The following DACH1 variants were observed in gnomAD, a reference collection of about 807,000 sequenced individuals.
DACH1 encodes the protein dachshund homolog 1.
A neutral mutation model predicts 54.2 loss-of-function variants in DACH1; 12 were observed. That is an observed-to-expected ratio of 0.22 (90% CI 0.14 to 0.36). DACH1 has a LOEUF of 0.36. DACH1 is among the 10% of genes least tolerant of loss of function. DACH1 has a pLI of 1.00. For synonymous variants in DACH1, 386 were observed against 366.2 expected (o/e 1.05, Z -0.62); for missense variants, 805 against 929.8 (o/e 0.87, Z 1.75).
intron 1 of DACH1, among the ~76,000 whole-genome samples, chr13:71,706,892 C>T (rs755728314): frequency 2.6e-5 from 4 of 152,060 alleles, no homozygotes; most frequent in Non-Finnish European, 5.9e-5. Flanking sequence ...AGTTTACTGT[C>T]GCTATTTAAA....
chr13:71,759,295 T>C (rs187812401), intron 1 of DACH1, among the ~76,000 whole-genome samples: 3 of 152,256 alleles, frequency 2.0e-5, no homozygotes, highest in Admixed American at 2.0e-4. Context: ...TTTTTCTTCA[T>C]GGAAAGACAG....
chr13:71,828,938 C>A (rs1371442604), intron 1 of DACH1, among the ~76,000 whole-genome samples: 2 of 151,970 alleles, frequency 1.3e-5, no homozygotes, highest in Non-Finnish European at 2.9e-5. Flanking sequence ...CCTCCTCACT[C>A]CCCTCCCACA....
At chr13:71,575,253 T>A (rs540908749) in intron 3 of DACH1, among the ~76,000 whole-genome samples, 1 of 152,132 alleles carries the variant, frequency 6.6e-6, no homozygotes, top group South Asian at 2.1e-4. Flanking sequence ...AAATAATAAG[T>A]AATTTTCTCT....
chr13:71,831,748 A>G (rs1345166509), intron 1 of DACH1, among the ~76,000 whole-genome samples: 2 of 152,002 alleles, frequency 1.3e-5, no homozygotes, highest in Admixed American at 1.3e-4. Context: ...AGGTAATCCA[A>G]TCCTAACATG....
chr13:71,496,944 T>C (rs1307875766), intron 6 of DACH1, among the ~76,000 whole-genome samples: 1 of 152,156 alleles, frequency 6.6e-6, no homozygotes, highest in Non-Finnish European at 1.5e-5. Context: ...GAAATTTTTA[T>C]AAAATTGACA....
At chr13:71,797,844 C>A (rs1329475328) in intron 1 of DACH1, among the ~76,000 whole-genome samples, 1 of 152,108 alleles carries the variant, frequency 6.6e-6, no homozygotes, top group Non-Finnish European at 1.5e-5. Context: ...ATTGCTGTAA[C>A]AGAACAATGT....
At chr13:71,686,889 C>T (rs1881191203) in intron 1 of DACH1, among the ~76,000 whole-genome samples, 1 of 152,128 alleles carries the variant, frequency 6.6e-6, no homozygotes, top group African/African-American at 2.4e-5. Context: ...GAGAAAAGAG[C>T]TACTGTATAT....
At chr13:71,857,591 C>T (rs1043096771) in intron 1 of DACH1, among the ~76,000 whole-genome samples, 27 of 151,530 alleles carry the variant, frequency 1.8e-4, no homozygotes, top group Non-Finnish European at 3.5e-4. Context: ...AAAAAATATC[C>T]ACCACAGAGT....
intron 1 of DACH1, among the ~76,000 whole-genome samples, chr13:71,726,498 C>T (rs1280312768): frequency 3.3e-5 from 5 of 151,988 alleles, no homozygotes; most frequent in East Asian, 3.9e-4. Context: ...AAAAAGTATA[C>T]GCCTAATAGA....
chr13:71,748,665 G>T (rs541754747), intron 1 of DACH1, among the ~76,000 whole-genome samples: 2 of 152,064 alleles, frequency 1.3e-5, no homozygotes, highest in African/African-American at 4.8e-5. Context: ...AAGCTAACTG[G>T]AAGTCTGCTT....
rs1191171214 is a variant in DACH1 at position 71,438,122 on chromosome 13, T to C, written c.*2533A>G. Reference sequence around the variant, plus strand: ...TGCATTATGATGTAAAAACAGATTTTTGTACAGATTTTGTACAACAAAATT... The same window carrying C: ...TGCATTATGATGTAAAAACAGATTTCTGTACAGATTTTGTACAACAAAATT... On this transcript the variant is annotated 3_prime_UTR_variant, in exon 11 of 11. Coordinates refer to ENST00000613252, the MANE Select transcript of DACH1 (RefSeq NM_080759.6). 2 of 152,444 alleles carry C rather than the reference T, an allele frequency of 1.3e-5. No individual in the cohort carries two copies. The highest frequency in any genetic ancestry group is 2.9e-5 in the Non-Finnish European group (2 of 67,886). The allele number at this position is 152,444 out of a possible 1,614,324, so 9.4% of individuals were successfully genotyped here. A position where few individuals can be genotyped will look rare whatever the true frequency, so the allele number is the denominator to read the frequency against.
intron 10 of DACH1, among the ~76,000 whole-genome samples, chr13:71,454,296 G>T (rs1875349707): frequency 6.6e-6 from 1 of 152,084 alleles, no homozygotes; most frequent in East Asian, 1.9e-4. Context: ...TCTCACTAGG[G>T]AACTGGACAG....
chr13:71,443,707 T>A (rs1240046373), intron 10 of DACH1, among the ~76,000 whole-genome samples: 1 of 152,072 alleles, frequency 6.6e-6, no homozygotes, highest in Non-Finnish European at 1.5e-5. Flanking sequence ...TGTGTAGATA[T>A]GCAGTCTAAA....
chr13:71,477,172 G>C (rs954611441), intron 8 of DACH1, among the ~76,000 whole-genome samples: 1 of 132,688 alleles, frequency 7.5e-6, no homozygotes, highest in African/African-American at 2.9e-5. Context: ...CCAGGCTGGA[G>C]TGCAGTGGCG....
intron 6 of DACH1, among the ~76,000 whole-genome samples, chr13:71,509,602 T>C (rs976894193): frequency 7.9e-5 from 12 of 152,106 alleles, no homozygotes; most frequent in African/African-American, 2.9e-4. Flanking sequence ...GCTTATATTT[T>C]TACTAAGTTT....
chr13:71,823,554 C>T (rs1291503898), intron 1 of DACH1, among the ~76,000 whole-genome samples: 1 of 151,810 alleles, frequency 6.6e-6, no homozygotes, highest in Admixed American at 6.6e-5. Context: ...GATGTTAAAC[C>T]TGTATCTAAA....
At chr13:71,610,001 T>C (rs868517678) in intron 3 of DACH1, among the ~76,000 whole-genome samples, 9 of 152,188 alleles carry the variant, frequency 5.9e-5, no homozygotes, top group Admixed American at 2.6e-4. Context: ...AAATTTGAAA[T>C]GAAGAACCTA....
At chr13:71,839,153 A>C (rs1888917413) in intron 1 of DACH1, among the ~76,000 whole-genome samples, 1 of 152,206 alleles carries the variant, frequency 6.6e-6, no homozygotes, top group Admixed American at 6.5e-5. Context: ...TCTGAGAATT[A>C]TTAAGAATGC....
At chr13:71,824,683 C>T (rs1207016008) in intron 1 of DACH1, among the ~76,000 whole-genome samples, 2 of 151,920 alleles carry the variant, frequency 1.3e-5, no homozygotes, top group Admixed American at 6.6e-5. Context: ...TCTTTCTCGT[C>T]CCCAGGGTAT....
Sources: gnomAD v4.1 joint callset for allele counts (sites outside exome capture counted in the v4.1 genomes callset) on GRCh38, gnomAD v4.1.1 for gene constraint, MANE v1.5 for transcripts, NCBI Gene and HGNC (gene_info 2026-07-23, HGNC 2026-07-21) for gene names.